CSPG4: variants seen among roughly 807,000 people sequenced by gnomAD.
CSPG4 encodes chondroitin sulfate proteoglycan 4.
In CSPG4, 74 loss-of-function variants were observed where a neutral mutation model predicts 139.3. That is an observed-to-expected ratio of 0.53 (90% CI 0.44 to 0.64). CSPG4 has a LOEUF of 0.64. Among genes scored for constraint, CSPG4 ranks in the 30% least tolerant of loss-of-function variants. The pLI is 0.00. For missense variants in CSPG4, 2,565 were observed against 3,148.3 expected, an observed-to-expected ratio of 0.81 and a Z score of 4.43; for synonymous variants, 1,234 against 1,394.2, an observed-to-expected ratio of 0.89 and a Z score of 2.56.
At position 75,712,769 on chromosome 15, in the gene CSPG4, G is replaced by C; in HGVS notation, c.-14C>G. 1 of 1,538,266 alleles carries C rather than the reference G, an allele frequency of 6.5e-7. No individual in the cohort carries two copies. The highest frequency in any genetic ancestry group is 1.2e-5 in the South Asian group (1 of 83,318). ...CCCGGACTGCATCCCGGCGGGCTGGGCGGCAGGACTTGCGAGGAGCCAGCG... is the reference window on the plus strand; with the variant it reads ...CCCGGACTGCATCCCGGCGGGCTGGCCGGCAGGACTTGCGAGGAGCCAGCG... On this transcript the variant is annotated 5_prime_UTR_variant, in exon 1 of 10. Transcript: ENST00000308508.
chr15:75,702,514 GAA>G (rs1168581301), intron 1 of CSPG4, among the ~76,000 whole-genome samples: 1 of 152,220 alleles, frequency 6.6e-6, no homozygotes, highest in East Asian at 1.9e-4. Flanking sequence ...GACGTGGGAG[GAA>G]AGGAGGGAGG....
chr15:75,678,665 T>C (rs1487119806), intron 8 of CSPG4: 2 of 456,162 alleles, frequency 4.4e-6, no homozygotes, highest in Non-Finnish European at 8.8e-6. Context: ...GAAAAAACTA[T>C]TCTTGACTTC....
chr15:75,685,105 TG>T (rs1214613006), intron 4 of CSPG4, 113 bp downstream of exon 4: 4 of 1,404,900 alleles, frequency 2.8e-6, no homozygotes, highest in Admixed American at 2.3e-5. Context: ...GCTTCTGAAA[TG>T]TGACTCCCCG....
Position 75,685,386 on chromosome 15 carries a change from C to T in CSPG4, c.4105G>A (p.Glu1369Lys), listed in dbSNP as rs759446313. ...PLEAQNFSVPEGGSLTLAPPL... is the reference protein window; with the variant it reads ...PLEAQNFSVPKGGSLTLAPPL... ...GGGGCCAGGGTGAGGCTGCCACCCTCAGGGACGCTGAAGTTTTGCGCCTCT... is the reference window on the plus strand; with the variant it reads ...GGGGCCAGGGTGAGGCTGCCACCCTTAGGGACGCTGAAGTTTTGCGCCTCT... The change falls in exon 4 of 10, where the codon GAG becomes AAG. Residue 1369 changes from glutamate to lysine, a missense_variant. Physicochemically the swap from Glu to Lys is moderately conservative, Grantham distance 56. Transcript: ENST00000308508. 1 of 1,610,698 alleles carries T rather than the reference C, an allele frequency of 6.2e-7. No individual in the cohort carries two copies. Among genetic ancestry groups the T allele is most frequent in the East Asian group, 2.2e-5 (1 of 44,838 alleles).
In CSPG4 at chr15:75,674,860, G is replaced by C. The variant is rs1893867060; in HGVS notation, c.*690C>G. ...CCCTCCTCCATCCCACACCCCCAGG[G>C]GCTCCATCAGTCCTGGCTAGCTCAG... On this transcript the variant is annotated 3_prime_UTR_variant, in exon 10 of 10. Coordinates refer to ENST00000308508, the MANE Select transcript of CSPG4 (RefSeq NM_001897.5). 2.5e-6 allele frequency: 1 copy of C among 398,594 alleles called. No individual in the cohort carries two copies. Among genetic ancestry groups the C allele is most frequent in the East Asian group, 3.6e-5 (1 of 28,074 alleles). The allele number at this position is 398,594 out of a possible 1,614,324, so 24.7% of individuals were successfully genotyped here.
chr15:75,678,303 G>A (rs754539215), intron 8 of CSPG4, among the ~76,000 whole-genome samples: 18 of 152,090 alleles, frequency 1.2e-4, no homozygotes, highest in Non-Finnish European at 2.5e-4. Context: ...CCTTCATTAT[G>A]CAACTATGCT....
At chr15:75,686,796 C>T (rs1189556607) in intron 3 of CSPG4, among the ~76,000 whole-genome samples, 5 of 152,284 alleles carry the variant, frequency 3.3e-5, no homozygotes, top group Admixed American at 6.5e-5. Flanking sequence ...CTGGAGGGCC[C>T]GTGGTTGCTC....
intron 1 of CSPG4, among the ~76,000 whole-genome samples, chr15:75,702,830 G>A (rs998397193): frequency 2.0e-5 from 3 of 151,868 alleles, no homozygotes; most frequent in African/African-American, 7.3e-5. Context: ...AGACGGATGG[G>A]GTTTGAGGCT....
At chr15:75,690,847 G>A in intron 2 of CSPG4, 35 bp from the exon 3 acceptor site, 1 of 1,571,498 alleles carries the variant, frequency 6.4e-7, no homozygotes, top group Non-Finnish European at 8.7e-7. Flanking sequence ...ATAGTGGACA[G>A]CACTTTGGAT....
chr15:75,685,643 C>G lies in CSPG4; in HGVS notation c.3848G>C (p.Ser1283Thr). 1 of 1,608,576 alleles carries G rather than the reference C, an allele frequency of 6.2e-7. No individual in the cohort carries two copies. Among genetic ancestry groups the G allele is most frequent in the Non-Finnish European group, 8.5e-7 (1 of 1,179,696 alleles). Residue 1283 changes from serine to threonine, a missense_variant, in exon 4 of 10, where the codon AGT becomes ACT. Ser to Thr is a moderately conservative substitution (Grantham distance 58, BLOSUM62 1). Transcript: ENST00000308508. ...CGACACCATCACCAGGTAGCCGGCA[C>G]TCGGTGGGCTCTTCACTGAGAATAC... ...DIVFSVKSPP[S>T]AGYLVMVSRG...
intron 1 of CSPG4, among the ~76,000 whole-genome samples, chr15:75,703,348 C>T (rs1257074331): frequency 2.0e-5 from 3 of 151,086 alleles, no homozygotes; most frequent in Admixed American, 6.6e-5. Context: ...GGTGACCCTG[C>T]GCAGGGGCAG....
rs928446396 is a variant in CSPG4, at chr15:75,696,771, A to G, written c.89-3538T>C. Among the ~76,000 whole-genome samples, 1 of 152,092 alleles carries G rather than the reference A, an allele frequency of 6.6e-6. No individual in the cohort carries two copies. The highest frequency in any genetic ancestry group is 6.5e-5 in the Admixed American group (1 of 15,280). ...CTGGGCCTGAGGGTGGGGTGGCTCC[A>G]TCCTTCTTCCTGAGATCTAGGCCTG... On this transcript the variant is annotated intron_variant, in intron 1 of 9. Transcript: ENST00000308508. The surrounding 1 kb of genome is among the most constrained non-coding windows in gnomAD (Gnocchi z 4.2).
At chr15:75,691,240 G>A (rs959970937) in intron 2 of CSPG4, among the ~76,000 whole-genome samples, 8 of 152,108 alleles carry the variant, frequency 5.3e-5, no homozygotes, top group African/African-American at 1.4e-4. Flanking sequence ...GGAAAACCTA[G>A]GACAAGAGCC....
Position 75,687,814 on chromosome 15 carries a change from T to C in CSPG4, c.3251A>G (p.Glu1084Gly). ...CAGTACTCGCCTCTTCCTGAGGTCC[T>C]CCTGGGTGAAGCGGTAGATGGGCCG... The part of the protein sequence containing the change: ...PTRPIYRFTQ[E>G]DLRKRRVLFV... Residue 1084 changes from glutamate (E) to glycine (G), a missense_variant, in exon 3 of 10, where the codon GAG becomes GGG. Glu to Gly is a moderately conservative substitution (Grantham distance 98, BLOSUM62 -2). Transcript: ENST00000308508. This position sits in a 1 kb window ranked among gnomAD's most constrained non-coding sequence, Gnocchi z 5.4. 1.9e-6 allele frequency: 3 copies of C among 1,612,946 alleles called. No homozygotes were observed. The highest frequency in any genetic ancestry group is 2.5e-6 in the Non-Finnish European group (3 of 1,180,022).
intron 2 of CSPG4, among the ~76,000 whole-genome samples, chr15:75,692,340 G>A (rs1406771370): frequency 6.6e-6 from 1 of 152,168 alleles, no homozygotes; most frequent in African/African-American, 2.4e-5. Flanking sequence ...GGCCAGACTT[G>A]AACTCCTAGG....
At position 75,689,860 on chromosome 15, in the gene CSPG4, G is replaced by C; in HGVS notation, c.1205C>G (p.Ala402Gly). Residue 402 changes from alanine to glycine, a missense_variant, in exon 3 of 10, where the codon GCC (alanine) becomes GGC (glycine). Ala to Gly is a moderately conservative substitution (Grantham distance 60, BLOSUM62 0). Around this residue, in one of 5 missense-constraint regions of CSPG4, gnomAD observed 2,316 missense variants for 2,818.2 expected, o/e 0.82. Coordinates refer to ENST00000308508, the MANE Select transcript of CSPG4 (RefSeq NM_001897.5). ...YGHYEAFSTL[A>G]PEAWPAMELP... ...CTCCATGGCTGGCCAAGCCTCAGGGGCCAGGGTGGAGAAAGCTTCATAATG... is the reference window on the plus strand; with the variant it reads ...CTCCATGGCTGGCCAAGCCTCAGGGCCCAGGGTGGAGAAAGCTTCATAATG... The C allele has an allele frequency of 6.2e-7, 1 of 1,612,506 alleles. No individual in the cohort carries two copies. Among genetic ancestry groups the C allele is most frequent in the Non-Finnish European group, 8.5e-7 (1 of 1,179,572 alleles).
At position 75,690,022 on chromosome 15, in the gene CSPG4, T is replaced by C. The variant is rs1035219869; in HGVS notation, c.1043A>G (p.Asn348Ser). ...HRLGLTPEAT[N>S]ASLLGCMEDL... ...TTCCATGCAGCCCAGCAGGGAGGCA[T>C]TGGTGGCCTCTGGTGTCAGGCCCAG... is the stretch of plus-strand genomic sequence containing the variant. Residue 348 changes from asparagine (N) to serine (S), a missense_variant, in exon 3 of 10, where the codon AAT becomes AGT. Asn to Ser is a conservative substitution (Grantham distance 46). This residue lies in a region of CSPG4 where 2,316 missense variants were observed against 2,818.2 expected (regional missense o/e 0.82). Coordinates refer to ENST00000308508, the MANE Select transcript of CSPG4 (RefSeq NM_001897.5). The C allele has an allele frequency of 6.2e-6, 10 of 1,611,788 alleles. No individual in the cohort carries two copies. In the African/African-American group the frequency reaches 6.7e-5, roughly 11 times the overall value.
rs760606618 is a variant in CSPG4 at position 75,682,633 on chromosome 15, C to T, written c.4757G>A (p.Gly1586Asp). The T allele has an allele frequency of 6.2e-7, 1 of 1,613,136 alleles. No homozygotes were observed. Among genetic ancestry groups the T allele is most frequent in the East Asian group, 2.2e-5 (1 of 44,880 alleles). Residue 1586 changes from glycine to aspartate, a missense_variant, in exon 7 of 10, where the codon GGC (glycine) becomes GAC (aspartate). This residue lies in a region of CSPG4 where 2,316 missense variants were observed against 2,818.2 expected (regional missense o/e 0.82). Transcript: ENST00000308508. ...AQKQVLLSLK[G>D]SQTLTVCPGS... ...TGGGCAGACAGTCAGTGTCTGGCTG[C>T]CCTTCAGCGAGAGGAGCACTTGCTT...
At position 75,682,700 on chromosome 15, in the gene CSPG4, C is replaced by T. The variant is rs746897054; in HGVS notation, c.4690G>A (p.Glu1564Lys). 5.6e-6 allele frequency: 9 copies of T among 1,612,868 alleles called. No individual in the cohort carries two copies. The highest frequency in any genetic ancestry group is 4.0e-5 in the African/African-American group (3 of 74,916). ...GGFRFRLSDG[E>K]HTSPGHFFRV... The stretch of plus-strand genomic sequence containing the variant: ...AAGAAGTGTCCGGGGGAAGTGTGCT[C>T]GCCGTCAGAGAGGCGGAAGCGGAAG... Residue 1564 changes from glutamate to lysine, a missense_variant, in exon 7 of 10, where the codon GAG becomes AAG. Coordinates refer to ENST00000308508, the MANE Select transcript of CSPG4 (RefSeq NM_001897.5).
Sources: gnomAD v4.1 joint callset for allele counts (sites outside exome capture counted in the v4.1 genomes callset) on GRCh38, gnomAD v4.1.1 for gene constraint, gnomAD v4.1.1 regional missense constraint, Gnocchi (gnomAD v3.1) non-coding constraint, MANE v1.5 for transcripts, NCBI Gene and HGNC (gene_info 2026-07-23, HGNC 2026-07-21) for gene names.